Variants in ZNF302 observed in about 807,000 individuals in gnomAD.
ZNF302 encodes zinc finger protein 302.
Under a neutral mutation model 10.8 loss-of-function variants are expected in ZNF302, and 12 were observed. That is an observed-to-expected ratio of 1.11 (90% CI 0.71 to 1.79). The LOEUF (loss-of-function observed/expected upper bound fraction) is 1.79, where lower values mean the gene tolerates loss of function less well. ZNF302 is among the 40% of genes most tolerant of loss of function. The pLI is 0.00. For missense variants in ZNF302, 461 were observed against 471.1 expected, an observed-to-expected ratio of 0.98 and a Z score of 0.20; for synonymous variants, 178 against 157.5, an observed-to-expected ratio of 1.13 and a Z score of -0.98.
chr19:34,680,009 T>G (rs1337030300), intron 2 of ZNF302: 1 of 691,528 alleles, frequency 1.4e-6, no homozygotes, highest in Non-Finnish European at 2.6e-6. Flanking sequence ...ATGGAATAAT[T>G]AAGATAATTA....
At chr19:34,682,663 T>C in intron 2 of ZNF302, 114 bp from the exon 3 acceptor site, 1 of 1,501,918 alleles carries the variant, frequency 6.7e-7, no homozygotes, top group South Asian at 1.2e-5. Flanking sequence ...CCAGTCATTG[T>C]CACAGCTCCT....
At chr19:34,684,101 A>T in intron 4 of ZNF302, 151 bp from the exon 5 acceptor site, 2 of 1,459,582 alleles carry the variant, frequency 1.4e-6, no homozygotes, top group South Asian at 2.5e-5. Flanking sequence ...TGTCAGAACT[A>T]TGTGTTTTCT....
Position 34,682,807 on chromosome 19 carries a change from T to A in ZNF302, c.40T>A (p.Ser14Thr). 6.2e-7 allele frequency: 1 copy of A among 1,613,744 alleles called. No homozygotes were observed. The highest frequency in any genetic ancestry group is 8.5e-7 in the Non-Finnish European group (1 of 1,179,696). Residue 14 changes from serine to threonine, a missense_variant, in exon 3 of 5, where the codon TCT becomes ACT. Physicochemically the swap from Ser to Thr is moderately conservative, Grantham distance 58. Transcript: ENST00000505242. Reference sequence around the variant, plus strand: ...ATTTAGTGATGTGGCTATAGACTTCTCTCATGAAGAGTGGGCATGCCTAGA... The same window carrying A: ...ATTTAGTGATGTGGCTATAGACTTCACTCATGAAGAGTGGGCATGCCTAGA... The part of the protein sequence containing the change: ...VTFSDVAIDF[S>T]HEEWACLDSA...
In ZNF302 at chr19:34,685,507, T is replaced by A. The variant is rs376030323; in HGVS notation, c.*270T>A. On this transcript the variant is annotated 3_prime_UTR_variant, in exon 5 of 5. Transcript: ENST00000505242. ...AATGTAGTGAGTGTGGGAAAGCTTTTAGCAAAGGCTCGAATCTTACTGCCC... is the reference window on the plus strand; with the variant it reads ...AATGTAGTGAGTGTGGGAAAGCTTTAAGCAAAGGCTCGAATCTTACTGCCC... The A allele has an allele frequency of 5.7e-6, 9 of 1,572,298 alleles. No homozygotes were observed. In the South Asian group the frequency reaches 1.0e-4, roughly 17 times the overall value.
chr19:34,678,562 GC>G (rs2068129125), intron 1 of ZNF302, among the ~76,000 whole-genome samples, 174 bp from the exon 2 acceptor site: 2 of 152,088 alleles, frequency 1.3e-5, no homozygotes, highest in South Asian at 4.1e-4. Context: ...GATTTTCCCC[GC>G]AGGTGGCACC....
intron 1 of ZNF302, among the ~76,000 whole-genome samples, chr19:34,678,425 C>G (rs2068107934): frequency 1.0e-5 from 1 of 95,396 alleles, no homozygotes; most frequent in Non-Finnish European, 2.2e-5. Context: ...GAACGAGACT[C>G]CGTCTCAAAA....
intron 2 of ZNF302, chr19:34,680,037 T>G: frequency 1.5e-6 from 1 of 667,702 alleles, no homozygotes; most frequent in South Asian, 1.7e-5. Flanking sequence ...AAAACTGGTG[T>G]GGTAGTGCAT....
At position 34,685,521 on chromosome 19, in the gene ZNF302, A is replaced by G; in HGVS notation, c.*284A>G. The G allele has an allele frequency of 6.4e-7, 1 of 1,561,914 alleles. No homozygotes were observed. Among genetic ancestry groups the G allele is most frequent in the East Asian group, 2.2e-5 (1 of 44,532 alleles). On this transcript the variant is annotated 3_prime_UTR_variant, in exon 5 of 5. Coordinates refer to ENST00000505242, the MANE Select transcript of ZNF302 (RefSeq NM_001289187.2). ...GGGAAAGCTTTTAGCAAAGGCTCGA[A>G]TCTTACTGCCCATCAAAGAGTACAT...
Position 34,684,450 on chromosome 19 carries a change from A to C in ZNF302, c.413A>C (p.Gln138Pro). 1 of 1,613,292 alleles carries C rather than the reference A, an allele frequency of 6.2e-7. No individual in the cohort carries two copies. Among genetic ancestry groups the C allele is most frequent in the Non-Finnish European group, 8.5e-7 (1 of 1,179,428 alleles). ...TCAAAGTCTACTCTTTCTGAACCAC[A>C]AAACAATTCTGCTGAAGGGAATTCA... Reference protein sequence around the residue: ...FHSKSTLSEPQNNSAEGNSHK... With the variant: ...FHSKSTLSEPPNNSAEGNSHK... Residue 138 changes from glutamine (Q) to proline (P), a missense_variant, in exon 5 of 5, where the codon CAA becomes CCA. By Grantham distance (76) the Gln-to-Pro change is moderately conservative (BLOSUM62 -1). Transcript: ENST00000505242.
At chr19:34,679,841 AGTGTT>A (rs1276260938) in intron 2 of ZNF302, 1 of 702,716 alleles carries the variant, frequency 1.4e-6, no homozygotes, top group Non-Finnish European at 2.6e-6. Context: ...CAGTACCCAG[AGTGTT>A]ACCTGGCACC....
chr19:34,684,972 G>T lies in ZNF302; in HGVS notation c.935G>T (p.Arg312Leu), dbSNP rs117665320. ...QHLRIHTQEKRYECRICGKAF... is the reference protein window; with the variant it reads ...QHLRIHTQEKLYECRICGKAF... ...CTAAGAATTCATACGCAAGAAAAAC[G>T]CTATGAGTGTCGTATATGTGGAAAG... is the stretch of plus-strand genomic sequence containing the variant. The change falls in exon 5 of 5, where the codon CGC (arginine) becomes CTC (leucine). Residue 312 changes from arginine (R) to leucine (L), a missense_variant. Physicochemically the swap from Arg to Leu is moderately radical, Grantham distance 102. Transcript: ENST00000505242. 24 of 1,613,884 alleles carry T rather than the reference G, an allele frequency of 1.5e-5. No individual in the cohort carries two copies. Among genetic ancestry groups the T allele is most frequent in the African/African-American group, 8.0e-5 (6 of 74,998 alleles).
rs1334093857 is a variant in ZNF302, at chr19:34,684,326, G to C, written c.289G>C (p.Val97Leu). 2 of 1,595,326 alleles carry C rather than the reference G, an allele frequency of 1.3e-6. No homozygotes were observed. The highest frequency in any genetic ancestry group is 2.7e-5 in the African/African-American group (2 of 73,630). ...TTATGATGAAGATTCACCCCAACCA[G>C]TAACAATGGAAAAAGTTGTAAAACA... ...DIYDEDSPQP[V>L]TMEKVVKQSY... is the part of the protein sequence containing the mutation. The change falls in exon 5 of 5, where the codon GTA becomes CTA. Residue 97 changes from valine to leucine, a missense_variant. Val to Leu is a conservative substitution (Grantham distance 32, BLOSUM62 1). Transcript: ENST00000505242.
At chr19:34,678,860 T>G (rs757290901) in intron 2 of ZNF302, 47 bp downstream of exon 2, 3 of 1,612,112 alleles carry the variant, frequency 1.9e-6, no homozygotes, top group Middle Eastern at 1.6e-4. Context: ...TTATTAGGCC[T>G]CTGTGTGTTT....
chr19:34,677,194 C>G (rs974950174), upstream of ZNF302: 1 of 145,890 alleles, frequency 6.9e-6, no homozygotes, highest in Admixed American at 6.9e-5. Flanking sequence ...TGAAGGTGAA[C>G]AGCATAGCGG....
chr19:34,679,651 A>T (rs1303185218), intron 2 of ZNF302, among the ~76,000 whole-genome samples: 1 of 152,186 alleles, frequency 6.6e-6, no homozygotes, highest in Non-Finnish European at 1.5e-5. Flanking sequence ...CTTCCCTGAA[A>T]GCCTATTTGC....
chr19:34,678,682 G>A (rs571879287), intron 1 of ZNF302, 55 bp from the exon 2 acceptor site: 42 of 1,072,560 alleles, frequency 3.9e-5, no homozygotes, highest in Non-Finnish European at 5.8e-5. Context: ...GACAGGTGCC[G>A]CAAGATAAGC....
At position 34,684,943 on chromosome 19, in the gene ZNF302, G is replaced by GC; in HGVS notation, c.907dup (p.His303ProfsTer12). 6.2e-7 allele frequency: 1 copy of GC among 1,613,992 alleles called. No homozygotes were observed. The highest frequency in any genetic ancestry group is 8.5e-7 in the Non-Finnish European group (1 of 1,179,928). Reference sequence around the variant, plus strand: ...TTAGTCGTGTGTCCCTTCTCATTCAGCATCTAAGAATTCATACGCAAGAAA... The same window carrying GC: ...TTAGTCGTGTGTCCCTTCTCATTCAGCCATCTAAGAATTCATACGCAAGAAA... On this transcript the variant is annotated frameshift_variant, in exon 5 of 5. Transcript: ENST00000505242. LOFTEE classifies it low-confidence loss of function (END_TRUNC).
Position 34,684,637 on chromosome 19 carries a change from C to G in ZNF302, c.600C>G (p.Ile200Met). ...TLPQTCNREK[I>M]YTCSECGKAF... ...CCCAGACTTGTAATAGAGAGAAAAT[C>G]TATACATGCAGTGAATGTGGGAAAG... The change falls in exon 5 of 5, where the codon ATC (isoleucine) becomes ATG (methionine). Residue 200 changes from isoleucine (I) to methionine (M), a missense_variant. By Grantham distance (10) the Ile-to-Met change is conservative. Transcript: ENST00000505242. 2 of 1,614,088 alleles carry G rather than the reference C, an allele frequency of 1.2e-6. No homozygotes were observed. The highest frequency in any genetic ancestry group is 8.5e-7 in the Non-Finnish European group (1 of 1,179,952).
chr19:34,679,749 T>C (rs1384157847), intron 2 of ZNF302: 5 of 640,936 alleles, frequency 7.8e-6, no homozygotes, highest in Non-Finnish European at 1.4e-5. Context: ...GCTGATGTAC[T>C]GTATGTTCAG....
Sources: allele counts gnomAD v4.1 joint callset (sites outside exome capture counted in the v4.1 genomes callset), GRCh38; gene constraint gnomAD v4.1.1; transcripts MANE v1.5; gene names NCBI Gene and HGNC (gene_info 2026-07-23, HGNC 2026-07-21).